Variants in MCU observed in about 807,000 individuals in gnomAD.
MCU encodes mitochondrial calcium uniporter.
A neutral mutation model predicts 45.2 loss-of-function variants in MCU; 12 were observed. The ratio of observed to expected loss-of-function variants is 0.27; its 90% CI spans 0.17 to 0.43. The LOEUF is 0.43. Among genes scored for constraint, MCU ranks in the 20% least tolerant of loss-of-function variants. The pLI is 1.00. For missense variants in MCU, 324 were observed against 436.7 expected, an observed-to-expected ratio of 0.74 and a Z score of 2.30; for synonymous variants, 160 against 165.1, an observed-to-expected ratio of 0.97 and a Z score of 0.24.
intron 1 of MCU, among the ~76,000 whole-genome samples, chr10:72,777,015 A>G (rs1303740717): frequency 1.3e-5 from 2 of 152,220 alleles, no homozygotes; most frequent in Admixed American, 1.3e-4. Context: ...GTAAAAGATC[A>G]AGGAAAACTA....
In MCU at chr10:72,767,271, G is replaced by A. The variant is rs369793459; in HGVS notation, c.151-67088G>A. ...TTCTGCTGTCTGTCATGATCTTCTC[G>A]TTTCTGAAGTTGCCTAGGAAAGGTC... On this transcript the variant is annotated intron_variant, in intron 1 of 7. Coordinates refer to ENST00000373053, the MANE Select transcript of MCU (RefSeq NM_138357.3). 5.3e-5 allele frequency among the ~76,000 whole-genome samples: 8 copies of A among 151,766 alleles called. 1 individual carries two copies. Among genetic ancestry groups the A allele is most frequent in the African/African-American group, 1.7e-4 (7 of 41,406 alleles).
intron 1 of MCU, among the ~76,000 whole-genome samples, chr10:72,810,170 C>T (rs1010201802): frequency 6.6e-6 from 1 of 152,032 alleles, no homozygotes; most frequent in East Asian, 1.9e-4. Flanking sequence ...AGGTATTCAC[C>T]TTGCAAAGGA....
chr10:72,754,915 A>G (rs751957346), intron 1 of MCU, among the ~76,000 whole-genome samples: 2 of 152,216 alleles, frequency 1.3e-5, no homozygotes, highest in Non-Finnish European at 2.9e-5. Flanking sequence ...GATGTTAAAG[A>G]TTTCTTAGCA....
chr10:72,860,343 A>G, intron 3 of MCU, 80 bp from the exon 4 acceptor site: 1 of 1,234,020 alleles, frequency 8.1e-7, no homozygotes, highest in Non-Finnish European at 1.2e-6. Flanking sequence ...ATTTTTAAAA[A>G]CGATTTTGAA....
intron 1 of MCU, among the ~76,000 whole-genome samples, chr10:72,828,767 A>G (rs902376558): frequency 1.3e-5 from 2 of 152,188 alleles, no homozygotes; most frequent in East Asian, 3.8e-4. Flanking sequence ...TTATTGGCTT[A>G]AATCTTATGT....
intron 1 of MCU, among the ~76,000 whole-genome samples, chr10:72,800,360 A>G (rs952171151): frequency 2.0e-5 from 3 of 152,236 alleles, no homozygotes; most frequent in Admixed American, 6.5e-5. Flanking sequence ...TGAAACATAA[A>G]TGAATTTTGT....
At position 72,830,320 on chromosome 10, in the gene MCU, G is replaced by T. The variant is rs1033453612; in HGVS notation, c.151-4039G>T. Among the ~76,000 whole-genome samples, 9 of 152,112 alleles carry T rather than the reference G, an allele frequency of 5.9e-5. No individual in the cohort carries two copies. In the South Asian group the frequency reaches 8.3e-4, roughly 14 times the overall value. On this transcript the variant is annotated intron_variant, in intron 1 of 7. Coordinates refer to ENST00000373053, the MANE Select transcript of MCU (RefSeq NM_138357.3). Reference sequence around the variant, plus strand: ...CTCATAACCAGCCATGTATTAATGTGGTTCACTGCCCCACAAAAACATCTT... The same window carrying T: ...CTCATAACCAGCCATGTATTAATGTTGTTCACTGCCCCACAAAAACATCTT...
chr10:72,763,293 C>T (rs746555607), intron 1 of MCU, among the ~76,000 whole-genome samples: 1 of 152,072 alleles, frequency 6.6e-6, no homozygotes, highest in Non-Finnish European at 1.5e-5. Context: ...ATTTCACCTA[C>T]CATACTAAGG....
intron 2 of MCU, among the ~76,000 whole-genome samples, chr10:72,850,104 G>A (rs889549076): frequency 3.3e-5 from 5 of 151,972 alleles, no homozygotes; most frequent in Admixed American, 6.6e-5. Flanking sequence ...TAGTAGAGAT[G>A]GAGTTTCACC....
intron 1 of MCU, among the ~76,000 whole-genome samples, chr10:72,754,965 T>G (rs1843554074): frequency 6.6e-6 from 1 of 152,134 alleles, no homozygotes; most frequent in Non-Finnish European, 1.5e-5. Flanking sequence ...CATAACAAAC[T>G]GTGTTTTTAT....
chr10:72,709,823 A>G (rs758755568), intron 1 of MCU, among the ~76,000 whole-genome samples: 2 of 152,182 alleles, frequency 1.3e-5, no homozygotes, highest in African/African-American at 2.4e-5. Flanking sequence ...ATTTTGGAAT[A>G]TTCATTTACT....
intron 1 of MCU, among the ~76,000 whole-genome samples, chr10:72,795,134 T>TA (rs1455725284): frequency 2.0e-5 from 3 of 152,228 alleles, no homozygotes; most frequent in South Asian, 4.1e-4. Context: ...AATTCTGTCC[T>TA]AAAATCTCCT....
intron 7 of MCU, among the ~76,000 whole-genome samples, chr10:72,885,043 C>T (rs969503988): frequency 1.3e-5 from 2 of 152,138 alleles, no homozygotes; most frequent in Non-Finnish European, 2.9e-5. Context: ...TTTAGTTGCT[C>T]TTCTCTGCCT....
intron 1 of MCU, among the ~76,000 whole-genome samples, chr10:72,761,379 G>T (rs1014310430): frequency 2.0e-5 from 3 of 152,152 alleles, no homozygotes; most frequent in African/African-American, 7.2e-5. Context: ...GAAAGATAGG[G>T]CTGTCATATA....
intron 1 of MCU, among the ~76,000 whole-genome samples, chr10:72,802,392 G>T (rs1255763746): frequency 1.3e-5 from 2 of 148,922 alleles, no homozygotes; most frequent in Non-Finnish European, 1.5e-5. Context: ...ATAAATGAGC[G>T]CTGTTTGAGC....
intron 1 of MCU, among the ~76,000 whole-genome samples, chr10:72,712,719 ATAAT>A (rs1400053665): frequency 1.3e-5 from 2 of 152,202 alleles, no homozygotes; most frequent in Admixed American, 6.5e-5. Flanking sequence ...TGTTTTAATA[ATAAT>A]TCTGTACATA....
intron 1 of MCU, among the ~76,000 whole-genome samples, chr10:72,821,307 C>G (rs981973494): frequency 2.6e-5 from 4 of 151,620 alleles, no homozygotes; most frequent in Non-Finnish European, 4.4e-5. Context: ...TGGAATGCAC[C>G]CTTCATATAA....
chr10:72,733,827 TTTTG>T (rs1031978332), intron 1 of MCU, among the ~76,000 whole-genome samples: 2 of 151,708 alleles, frequency 1.3e-5, no homozygotes, highest in Admixed American at 6.6e-5. Flanking sequence ...GGCCTGCTTT[TTTTG>T]TTTGTTTGTT....
intron 1 of MCU, among the ~76,000 whole-genome samples, chr10:72,770,752 C>T (rs374551134): frequency 6.6e-6 from 1 of 151,914 alleles, no homozygotes; most frequent in Admixed American, 6.6e-5. Context: ...GTTCTGATAG[C>T]GTCAAATATA....
Sources: allele counts gnomAD v4.1 joint callset (sites outside exome capture counted in the v4.1 genomes callset), GRCh38; gene constraint gnomAD v4.1.1; transcripts MANE v1.5; gene names NCBI Gene and HGNC (gene_info 2026-07-23, HGNC 2026-07-21).